The following ASPH variants were observed in gnomAD, a reference collection of about 807,000 sequenced individuals.
ASPH encodes the protein aspartate beta-hydroxylase, also known as aspartyl/asparaginyl beta-hydroxylase.
Under a neutral mutation model 118.4 loss-of-function variants are expected in ASPH, and 100 were observed. The ratio of observed to expected loss-of-function variants is 0.84; its 90% CI spans 0.72 to 1.00. ASPH has a LOEUF of 1.00. ASPH is among the 50% of genes least tolerant of loss of function. ASPH has a pLI of 0.00. For missense variants in ASPH, 920 were observed against 919.5 expected, an observed-to-expected ratio of 1.00 and a Z score of -0.01; for synonymous variants, 315 against 325.6, an observed-to-expected ratio of 0.97 and a Z score of 0.35.
At chr8:61,544,970 A>G (rs1225544720) in intron 21 of ASPH, among the ~76,000 whole-genome samples, 1 of 152,208 alleles carries the variant, frequency 6.6e-6, no homozygotes, top group Admixed American at 6.5e-5. Context: ...GAAAACAGAA[A>G]GAGGTAAAGA....
At chr8:61,665,629 G>GA in intron 3 of ASPH, 1 of 1,540,168 alleles carries the variant, frequency 6.5e-7, no homozygotes, top group Non-Finnish European at 8.7e-7. Context: ...CCAATTAAAG[G>GA]AAAAAATGTT....
intron 20 of ASPH, among the ~76,000 whole-genome samples, chr8:61,552,003 T>G (rs939979654): frequency 1.3e-5 from 2 of 152,236 alleles, no homozygotes; most frequent in African/African-American, 4.8e-5. Context: ...TTGGTTCATG[T>G]TCCTAGCAGA....
In ASPH at chr8:61,567,179, T is replaced by C. The variant is rs777168135; in HGVS notation, c.1289A>G (p.Gln430Arg). ...KLSLKRRSDRQQFLGHMRGSL... is the reference protein window; with the variant it reads ...KLSLKRRSDRRQFLGHMRGSL... The stretch of plus-strand genomic sequence containing the variant: ...TGATTGCATCTTACCTAGAAATTGT[T>C]GCCTGTCTGAGCGACGCTTCAAACT... Residue 430 changes from glutamine to arginine, a missense_variant, in exon 17 of 25, where the codon CAA becomes CGA. Gln to Arg is a conservative substitution (Grantham distance 43). Coordinates refer to ENST00000379454, the MANE Select transcript of ASPH (RefSeq NM_004318.4). 3 of 1,613,594 alleles carry C rather than the reference T, an allele frequency of 1.9e-6. No individual in the cohort carries two copies. The South Asian group carries it at 3.3e-5, about 18-fold the overall frequency.
chr8:61,531,187 C>T (rs536595758), intron 21 of ASPH, among the ~76,000 whole-genome samples: 3 of 152,234 alleles, frequency 2.0e-5, no homozygotes, highest in African/African-American at 4.8e-5. Context: ...TCCCTTGATG[C>T]TTTTATTCTA....
intron 4 of ASPH, chr8:61,651,445 C>T (rs1445440605): frequency 1.4e-5 from 3 of 218,208 alleles, no homozygotes; most frequent in African/African-American, 2.3e-5. Flanking sequence ...TAATAAAATT[C>T]GCAATAATGA....
At chr8:61,515,848 C>G (rs1810703977) in intron 24 of ASPH, among the ~76,000 whole-genome samples, 1 of 152,168 alleles carries the variant, frequency 6.6e-6, no homozygotes, top group East Asian at 1.9e-4. Flanking sequence ...CATCTGCTCT[C>G]TAGTCTCCAT....
intron 1 of ASPH, chr8:61,689,938 A>AAC (rs1832139947): frequency 1.0e-6 from 1 of 996,312 alleles, no homozygotes; most frequent in Non-Finnish European, 1.3e-6. Flanking sequence ...ACTCCCTAAC[A>AAC]ACACCACAGC....
intron 2 of ASPH, among the ~76,000 whole-genome samples, chr8:61,682,928 T>C (rs1447643136): frequency 1.3e-5 from 2 of 152,086 alleles, no homozygotes; most frequent in African/African-American, 4.8e-5. Flanking sequence ...AGGAGGACCA[T>C]TATTCACAAC....
chr8:61,704,871 G>C (rs1836208191), intron 1 of ASPH, among the ~76,000 whole-genome samples: 1 of 152,046 alleles, frequency 6.6e-6, no homozygotes, highest in Admixed American at 6.5e-5. Flanking sequence ...ATGGTTAGTG[G>C]GAGTATAAAA....
intron 21 of ASPH, among the ~76,000 whole-genome samples, chr8:61,547,269 C>T (rs1490685368): frequency 6.6e-6 from 1 of 152,192 alleles, no homozygotes. Context: ...ATTTTTATAG[C>T]TATTTAGAAT....
At position 61,714,236 on chromosome 8, in the gene ASPH, G is replaced by A. The variant is rs755843822; in HGVS notation, c.103+33C>T. Reference sequence around the variant, plus strand: ...CAGCCGGCTCCCTACCCCGAGGCGAGGCCCCAGATCCCCGCCCCGCAGGGC... The same window carrying A: ...CAGCCGGCTCCCTACCCCGAGGCGAAGCCCCAGATCCCCGCCCCGCAGGGC... On this transcript the variant is annotated intron_variant, in intron 1 of 24. Transcript: ENST00000379454. The A allele has an allele frequency of 4.1e-6, 6 of 1,451,706 alleles. No individual in the cohort carries two copies. The South Asian group carries it at 6.7e-5, about 16-fold the overall frequency. The allele number at this position is 1,451,706 out of a possible 1,614,324, so 89.9% of individuals were successfully genotyped here. A position where few individuals can be genotyped will look rare whatever the true frequency, so the allele number is the denominator to read the frequency against.
At chr8:61,631,146 G>A (rs1401667587) in intron 13 of ASPH, among the ~76,000 whole-genome samples, 1 of 152,054 alleles carries the variant, frequency 6.6e-6, no homozygotes, top group Non-Finnish European at 1.5e-5. Flanking sequence ...TCATCAAAAA[G>A]TTTTTAAAAA....
intron 22 of ASPH, among the ~76,000 whole-genome samples, chr8:61,525,403 G>A (rs940361677): frequency 2.6e-5 from 4 of 151,578 alleles, no homozygotes; most frequent in African/African-American, 9.7e-5. Flanking sequence ...ATGTGTGCCT[G>A]TACCTGGGTT....
At chr8:61,617,172 G>C (rs1849327145) in intron 14 of ASPH, among the ~76,000 whole-genome samples, 1 of 152,160 alleles carries the variant, frequency 6.6e-6, no homozygotes, top group Admixed American at 6.5e-5. Context: ...AAAGCCATGA[G>C]ATTAGATGAG....
chr8:61,706,458 G>T (rs546086801), intron 1 of ASPH, among the ~76,000 whole-genome samples: 41 of 127,142 alleles, frequency 3.2e-4, no homozygotes, highest in Non-Finnish European at 5.3e-4. Context: ...GAAGAAGAAG[G>T]AGGAAGAGGA....
rs199840840 is a variant in ASPH at position 61,562,879 on chromosome 8, A to C, written c.1302T>G (p.Gly434=). 1.3e-4 allele frequency: 205 copies of C among 1,583,142 alleles called. No individual in the cohort carries two copies. Among genetic ancestry groups the C allele is most frequent in the Non-Finnish European group, 1.7e-4 (203 of 1,169,784 alleles). Residue 434 remains glycine, a splice_region_variant and synonymous_variant, in exon 18 of 25, where the codon GGT becomes GGG. Coordinates refer to ENST00000379454, the MANE Select transcript of ASPH (RefSeq NM_004318.4). The part of the protein sequence containing the change: ...KRRSDRQQFL[G]HMRGSLLTLQ... ...GGGTAAGCAGGGAACCTCTCATATG[A>C]CCTGAGTAGGTGGGAATTTAAAAAA... is the stretch of plus-strand genomic sequence containing the variant.
intron 13 of ASPH, chr8:61,626,004 G>GA (rs1316198137): frequency 2.5e-6 from 3 of 1,201,790 alleles, no homozygotes; most frequent in Admixed American, 8.8e-5. Flanking sequence ...CTCACAAAAA[G>GA]AAAAAAGAAA....
In ASPH at chr8:61,613,949, AT is replaced by A. The variant is rs375476810; in HGVS notation, c.976+5028del. Among the ~76,000 whole-genome samples, 498 of 152,332 alleles carry A rather than the reference AT, an allele frequency of 3.3e-3. 1 individual carries two copies. Among genetic ancestry groups the A allele is most frequent in the African/African-American group, 0.011 (471 of 41,568 alleles). ...TAGCTACGTCTGTTCTATTTTCTTTATGATCACAGAAAACTAAGAACTATCC... is the reference window on the plus strand; with the variant it reads ...TAGCTACGTCTGTTCTATTTTCTTTAGATCACAGAAAACTAAGAACTATCC... On this transcript the variant is annotated intron_variant, in intron 14 of 24. Coordinates refer to ENST00000379454, the MANE Select transcript of ASPH (RefSeq NM_004318.4).
chr8:61,545,817 T>C (rs543087709), intron 21 of ASPH, among the ~76,000 whole-genome samples: 2 of 152,306 alleles, frequency 1.3e-5, no homozygotes, highest in African/African-American at 4.8e-5. Context: ...GCTGTAGGGT[T>C]TGATCTGTTG....
Sources: gnomAD v4.1 joint callset for allele counts (sites outside exome capture counted in the v4.1 genomes callset) on GRCh38, gnomAD v4.1.1 for gene constraint, MANE v1.5 for transcripts, NCBI Gene and HGNC (gene_info 2026-07-23, HGNC 2026-07-21) for gene names.